SNTG1: variants seen among roughly 807,000 people sequenced by gnomAD.
SNTG1 encodes the protein gamma-1-syntrophin.
SNTG1 carries 39 observed loss-of-function variants against 74.7 expected under a neutral mutation model. That is an observed-to-expected ratio of 0.52 (90% CI 0.40 to 0.68). SNTG1 has a LOEUF of 0.68. Among genes scored for constraint, SNTG1 ranks in the 30% least tolerant of loss-of-function variants. The pLI is 0.00. For synonymous variants in SNTG1, 254 were observed against 217.1 expected (o/e 1.17, Z -1.49); for missense variants, 685 against 609.5 (o/e 1.12, Z -1.30).
At chr8:50,018,601 G>A (rs1258224667) in intron 1 of SNTG1, among the ~76,000 whole-genome samples, 4 of 151,816 alleles carry the variant, frequency 2.6e-5, no homozygotes, top group Non-Finnish European at 5.9e-5. Context: ...TTGTTGTTTC[G>A]CTTTTTACTT....
chr8:50,351,301 T>C (rs1189860699), intron 2 of SNTG1, among the ~76,000 whole-genome samples: 1 of 152,180 alleles, frequency 6.6e-6, no homozygotes, highest in African/African-American at 2.4e-5. Context: ...GTTGGGTACT[T>C]TGATGGAACA....
chr8:50,776,815 T>C (rs1197031651), intron 18 of SNTG1, among the ~76,000 whole-genome samples: 1 of 151,990 alleles, frequency 6.6e-6, no homozygotes, highest in Non-Finnish European at 1.5e-5. Context: ...TGAGAATGTC[T>C]TGATTTTCCC....
At chr8:50,650,042 G>A (rs2095135186) in intron 13 of SNTG1, among the ~76,000 whole-genome samples, 1 of 150,536 alleles carries the variant, frequency 6.6e-6, no homozygotes, top group Non-Finnish European at 1.5e-5. Context: ...TGTTAGTGGT[G>A]GTAGTGTATA....
At chr8:50,728,781 C>T (rs1010274851) in intron 17 of SNTG1, among the ~76,000 whole-genome samples, 35 of 152,118 alleles carry the variant, frequency 2.3e-4, no homozygotes, top group Non-Finnish European at 3.8e-4. Flanking sequence ...TTTCCTCGGA[C>T]CCCTTTTTCC....
At chr8:50,767,229 G>A (rs575472924) in intron 18 of SNTG1, among the ~76,000 whole-genome samples, 4 of 151,854 alleles carry the variant, frequency 2.6e-5, no homozygotes, top group Non-Finnish European at 5.9e-5. Flanking sequence ...CAAGAAATAT[G>A]GTTTCTTTGG....
At chr8:50,084,093 A>G (rs1413484452) in intron 1 of SNTG1, among the ~76,000 whole-genome samples, 1 of 152,206 alleles carries the variant, frequency 6.6e-6, no homozygotes, top group Non-Finnish European at 1.5e-5. Context: ...TCTCTAAAAG[A>G]CACCTCTCAC....
At position 50,204,541 on chromosome 8, in the gene SNTG1, A is replaced by G. The variant is rs1010047526; in HGVS notation, c.-28+31906A>G. On this transcript the variant is annotated intron_variant, in intron 2 of 18. Coordinates refer to ENST00000642720, the MANE Select transcript of SNTG1 (RefSeq NM_018967.5). ...TAAATTTGTTGAAAATACATCTTTG[A>G]AAATAAATTTATTTAATCTTAAAAT... Among the ~76,000 whole-genome samples, 3 of 152,266 alleles carry G rather than the reference A, an allele frequency of 2.0e-5. No individual in the cohort carries two copies. In the East Asian group the frequency reaches 5.8e-4, roughly 29 times the overall value.
chr8:50,784,969 A>T (rs2131847516), intron 18 of SNTG1, among the ~76,000 whole-genome samples: 1 of 152,284 alleles, frequency 6.6e-6, no homozygotes, highest in African/African-American at 2.4e-5. Flanking sequence ...GGTCAAAAAA[A>T]ATCACGGTGA....
chr8:50,502,667 AT>A, intron 8 of SNTG1, 110 bp from the exon 9 acceptor site: 1 of 797,402 alleles, frequency 1.3e-6, no homozygotes, highest in Non-Finnish European at 2.0e-6. Context: ...ATGTTTCTGA[AT>A]ACTAGGGAAA....
intron 1 of SNTG1, among the ~76,000 whole-genome samples, chr8:50,106,888 T>C (rs1363206401): frequency 3.3e-5 from 5 of 152,184 alleles, no homozygotes; most frequent in Admixed American, 2.0e-4. Context: ...TGAAAATCAT[T>C]ATATAATCAC....
At chr8:50,728,218 T>C (rs2095504743) in intron 17 of SNTG1, among the ~76,000 whole-genome samples, 1 of 152,134 alleles carries the variant, frequency 6.6e-6, no homozygotes, top group African/African-American at 2.4e-5. Context: ...CTTCTCATAG[T>C]ATATCTCCTA....
chr8:50,564,573 C>G (rs1466840655), intron 12 of SNTG1, among the ~76,000 whole-genome samples: 1 of 152,138 alleles, frequency 6.6e-6, no homozygotes, highest in African/African-American at 2.4e-5. Context: ...CCCTCCCATA[C>G]TCAAGTATTT....
chr8:50,275,244 T>C (rs1228951898), intron 2 of SNTG1, among the ~76,000 whole-genome samples: 4 of 152,210 alleles, frequency 2.6e-5, no homozygotes, highest in Admixed American at 2.0e-4. Context: ...ACTCTAATAG[T>C]GTTTGTCTTT....
intron 2 of SNTG1, among the ~76,000 whole-genome samples, chr8:50,337,978 T>G (rs1467253600): frequency 6.6e-6 from 1 of 151,852 alleles, no homozygotes; most frequent in Non-Finnish European, 1.5e-5. Context: ...CTACTAAAAA[T>G]GCAAAAAGTT....
In SNTG1 at chr8:50,701,821, TCC is replaced by T. The variant is rs2095427047; in HGVS notation, c.1039-2778_1039-2777del. Among the ~76,000 whole-genome samples, 54 of 145,612 alleles carry T rather than the reference TCC, an allele frequency of 3.7e-4. 1 individual carries two copies. The Middle Eastern group carries it at 0.01, about 28-fold the overall frequency. On this transcript the variant is annotated intron_variant, in intron 15 of 18. Coordinates refer to ENST00000642720, the MANE Select transcript of SNTG1 (RefSeq NM_018967.5). ...CCTCCTCTTCTTCTTCTTCTTCTTC[TCC>T]TCCTCCTCCTCCTCCTCCTTCTCCC...
chr8:50,084,924 C>T (rs1822738894), intron 1 of SNTG1, among the ~76,000 whole-genome samples: 1 of 152,166 alleles, frequency 6.6e-6, no homozygotes, highest in Admixed American at 6.5e-5. Flanking sequence ...TTGGGCTTTC[C>T]AGACTTCAGA....
In SNTG1 at chr8:50,347,311, G is replaced by A. The variant is rs372227295; in HGVS notation, c.-27-46901G>A. On this transcript the variant is annotated intron_variant, in intron 2 of 18. Coordinates refer to ENST00000642720, the MANE Select transcript of SNTG1 (RefSeq NM_018967.5). ...CAAGAAATGAAAAAACAAATCCTGA[G>A]TAGCAGCACATTTGTTTGTAGCATT... 5.3e-5 allele frequency among the ~76,000 whole-genome samples: 8 copies of A among 152,288 alleles called. No individual in the cohort carries two copies. In the East Asian group the frequency reaches 7.7e-4, roughly 15 times the overall value.
chr8:50,026,496 C>CAT (rs768052105), intron 1 of SNTG1, among the ~76,000 whole-genome samples: 2 of 152,094 alleles, frequency 1.3e-5, no homozygotes, highest in Non-Finnish European at 2.9e-5. Context: ...CAATTAAATT[C>CAT]ATAAGAGTTT....
Position 50,338,251 on chromosome 8 carries a change from C to T in SNTG1, c.-27-55961C>T, listed in dbSNP as rs11995178. On this transcript the variant is annotated intron_variant, in intron 2 of 18. Transcript: ENST00000642720. ...GGACACTGGAGGAAATGGAAACTTC[C>T]GGCATCTACAGCTGCAGCAAGCAGT... 9.3e-3 allele frequency among the ~76,000 whole-genome samples: 1,409 copies of T among 152,208 alleles called. 27 individuals carry two copies. Among genetic ancestry groups the T allele is most frequent in the African/African-American group, 0.032 (1,336 of 41,546 alleles).
Sources: allele counts gnomAD v4.1 joint callset (sites outside exome capture counted in the v4.1 genomes callset), GRCh38; gene constraint gnomAD v4.1.1; transcripts MANE v1.5; gene names NCBI Gene and HGNC (gene_info 2026-07-23, HGNC 2026-07-21).